PCDHA3: variants seen among roughly 807,000 people sequenced by gnomAD.
The protein encoded by PCDHA3 is protocadherin alpha 3.
In PCDHA3, 41 loss-of-function variants were observed where a neutral mutation model predicts 62.2. The observed-to-expected ratio is 0.66, with a 90% CI of 0.51 to 0.86. The LOEUF is 0.86. PCDHA3 is among the 40% of genes least tolerant of loss of function. The pLI, the probability that PCDHA3 is intolerant of heterozygous loss-of-function variation, is 0.00. For missense variants in PCDHA3, 1,304 were observed against 1,241.2 expected (o/e 1.05, Z -0.76); for synonymous variants, 640 against 555.4 (o/e 1.15, Z -2.14).
chr5:140,866,441 G>A (rs1313181432), intron 1 of PCDHA3: 1 of 151,728 alleles, frequency 6.6e-6, no homozygotes, highest in African/African-American at 2.4e-5. Flanking sequence ...GTCTTCTTCA[G>A]TCTTATTGTT....
chr5:140,840,456 A>C (rs1776712177), intron 1 of PCDHA3, among the ~76,000 whole-genome samples: 1 of 151,992 alleles, frequency 6.6e-6, no homozygotes, highest in African/African-American at 2.4e-5. Flanking sequence ...ACGTTAAATA[A>C]AAAGTTGGGG....
intron 3 of PCDHA3, among the ~76,000 whole-genome samples, chr5:141,001,745 T>A (rs2098035193): frequency 6.6e-6 from 1 of 152,200 alleles, no homozygotes; most frequent in Non-Finnish European, 1.5e-5. Flanking sequence ...CTGGGCTGTT[T>A]CAGTGGTTGA....
chr5:140,981,350 G>T (rs2096928266), intron 2 of PCDHA3, among the ~76,000 whole-genome samples: 1 of 152,168 alleles, frequency 6.6e-6, no homozygotes. Flanking sequence ...GAGGCAGGTG[G>T]ATCACTTGAG....
chr5:140,808,913 G>A, intron 1 of PCDHA3: 1 of 1,613,560 alleles, frequency 6.2e-7, no homozygotes, highest in Non-Finnish European at 8.5e-7. Context: ...CACTGGTGGC[G>A]CAGTGAGCGA....
At chr5:140,841,743 T>A (rs1554138513) in intron 1 of PCDHA3, 1 of 1,613,818 alleles carries the variant, frequency 6.2e-7, no homozygotes, top group Admixed American at 1.7e-5. Context: ...CAAAAGCTGT[T>A]TGTTTCAGAA....
chr5:140,944,697 T>C (rs1227405627), intron 1 of PCDHA3, among the ~76,000 whole-genome samples: 1 of 152,198 alleles, frequency 6.6e-6, no homozygotes, highest in Non-Finnish European at 1.5e-5. Context: ...ATAACAGTAA[T>C]TATCAGGTTA....
intron 1 of PCDHA3, chr5:140,850,153 T>A: frequency 1.3e-6 from 2 of 1,595,316 alleles, no homozygotes; most frequent in Non-Finnish European, 1.7e-6. Context: ...ACGCTGCAGG[T>A]GTTCGTGCTG....
chr5:140,986,897 T>A (rs534075146), intron 3 of PCDHA3, among the ~76,000 whole-genome samples: 13 of 152,086 alleles, frequency 8.5e-5, no homozygotes, highest in Non-Finnish European at 1.9e-4. Flanking sequence ...TTAGGCCCTA[T>A]CCTAGACTAA....
chr5:140,808,937 T>C, intron 1 of PCDHA3: 1 of 1,613,600 alleles, frequency 6.2e-7, no homozygotes, highest in Non-Finnish European at 8.5e-7. Flanking sequence ...GGTGCCATGG[T>C]CGGTGGGTGT....
chr5:140,877,501 A>G lies in PCDHA3; in HGVS notation c.2394+73910A>G, dbSNP rs2057165784. On this transcript the variant is annotated intron_variant, in intron 1 of 3. Coordinates refer to ENST00000522353, the MANE Select transcript of PCDHA3 (RefSeq NM_018906.3). ...GCTGGTGGAGAACGGCCAGGCCCCA[A>G]AGACGTCGTCGCGGGCCTCAGTGGG... 3.1e-6 allele frequency: 5 copies of G among 1,613,804 alleles called. No homozygotes were observed. In the East Asian group the frequency reaches 1.1e-4, roughly 36 times the overall value.
chr5:140,952,010 C>A (rs1188540877), intron 1 of PCDHA3, among the ~76,000 whole-genome samples: 2 of 152,128 alleles, frequency 1.3e-5, no homozygotes, highest in Non-Finnish European at 2.9e-5. Flanking sequence ...GAATTATAGG[C>A]CCCATGCAAG....
At chr5:140,990,341 C>A (rs2097389083) in intron 3 of PCDHA3, among the ~76,000 whole-genome samples, 1 of 152,110 alleles carries the variant, frequency 6.6e-6, no homozygotes, top group South Asian at 2.1e-4. Flanking sequence ...ATAAGTAAAG[C>A]CTGCCCTGTA....
chr5:140,841,077 G>A, intron 1 of PCDHA3: 1 of 526,540 alleles, frequency 1.9e-6, no homozygotes, highest in South Asian at 2.8e-5. Flanking sequence ...GAAATAGAAA[G>A]TGCATAGAAG....
At chr5:140,962,126 C>A (rs1429316991) in intron 1 of PCDHA3, among the ~76,000 whole-genome samples, 1 of 152,094 alleles carries the variant, frequency 6.6e-6, no homozygotes. Flanking sequence ...ACCTTGGCCT[C>A]GGCCTCCCAA....
At chr5:140,829,185 T>C (rs2150163611) in intron 1 of PCDHA3, 3 of 1,614,194 alleles carry the variant, frequency 1.9e-6, no homozygotes, top group East Asian at 2.2e-5. Flanking sequence ...GACGCTCAAT[T>C]TGGTACTGTC....
intron 1 of PCDHA3, chr5:140,834,141 GT>G (rs1772814209): frequency 2.0e-6 from 1 of 506,492 alleles, no homozygotes; most frequent in Non-Finnish European, 3.5e-6. Flanking sequence ...CTGATTAATA[GT>G]TTGTAATGGT....
intron 1 of PCDHA3, chr5:140,829,099 T>C (rs1554131748): frequency 2.5e-6 from 4 of 1,611,442 alleles, no homozygotes; most frequent in Non-Finnish European, 3.4e-6. Context: ...ATTGCACCGT[T>C]TTAGTGAGAA....
intron 1 of PCDHA3, among the ~76,000 whole-genome samples, chr5:140,911,608 T>C (rs1045101856): frequency 1.3e-5 from 2 of 152,180 alleles, no homozygotes; most frequent in Non-Finnish European, 2.9e-5. Context: ...TTCATTATGT[T>C]CCTTAGTTCC....
At chr5:140,808,347 G>A in intron 1 of PCDHA3, 1 of 1,614,224 alleles carries the variant, frequency 6.2e-7, no homozygotes, top group Non-Finnish European at 8.5e-7. Context: ...CTGGTCACCT[G>A]CTCCTTGACG....
Sources: gnomAD v4.1 joint callset for allele counts (sites outside exome capture counted in the v4.1 genomes callset) on GRCh38, gnomAD v4.1.1 for gene constraint, MANE v1.5 for transcripts, NCBI Gene and HGNC (gene_info 2026-07-23, HGNC 2026-07-21) for gene names.